LRRC57: variants seen among roughly 807,000 people sequenced by gnomAD.
The protein encoded by LRRC57 is leucine rich repeat containing 57, also known as leucine-rich repeat-containing protein 57.
A neutral mutation model predicts 23.1 loss-of-function variants in LRRC57; 14 were observed. The observed-to-expected ratio is 0.61, with a 90% confidence interval of 0.40 to 0.95. The LOEUF is 0.95. Among genes scored for constraint, LRRC57 ranks in the 40% least tolerant of loss-of-function variants. The probability of loss-of-function intolerance (pLI) is 0.00; values close to 1 mark genes in which losing one functional copy is unlikely to be tolerated. For synonymous variants in LRRC57, 106 were observed against 115.2 expected, an observed-to-expected ratio of 0.92 and a Z score of 0.51; for missense variants, 236 against 284.4, an observed-to-expected ratio of 0.83 and a Z score of 1.22.
At position 42,547,929 on chromosome 15, in the gene LRRC57, T is replaced by C. The variant is rs185758869; in HGVS notation, c.223+177A>G. On this transcript the variant is annotated intron_variant, in intron 3 of 5. Coordinates refer to ENST00000397130, the MANE Select transcript of LRRC57 (RefSeq NM_153260.3). ...CAATCATTATAACACCCAATCATTA[T>C]AAGGCTTATTTTAGATGTAATTACA... The C allele has an allele frequency of 1.0e-3, 655 of 633,134 alleles. 6 individuals carry two copies. The highest frequency in any genetic ancestry group is 4.1e-3 in the Middle Eastern group (10 of 2,424). 39.2% of individuals were successfully genotyped at this position (633,134 alleles called of 1,614,324 possible). A position where few individuals can be genotyped will look rare whatever the true frequency, so the allele number is the denominator to read the frequency against.
At chr15:42,535,902 G>A (rs766032996), downstream of LRRC57, among the ~76,000 whole-genome samples, 1 of 152,110 alleles carries the variant, frequency 6.6e-6, no homozygotes, top group Non-Finnish European at 1.5e-5. Flanking sequence ...AAGAAGATGA[G>A]ACCGTTTCTA....
chr15:42,529,731 G>A, the LRRC57 span: 2 of 1,614,088 alleles, frequency 1.2e-6, no homozygotes, highest in Non-Finnish European at 1.7e-6. Flanking sequence ...CAAGTGGGCA[G>A]TATCCTGGGA....
At chr15:42,548,083 A>G (rs2057671664) in intron 3 of LRRC57, 23 bp downstream of exon 3, 1 of 1,613,084 alleles carries the variant, frequency 6.2e-7, no homozygotes, top group African/African-American at 1.3e-5. Context: ...CACTAGCAAA[A>G]GCCTCCCTGG....
the LRRC57 span, among the ~76,000 whole-genome samples, chr15:42,530,057 C>T: frequency 1.3e-5 from 2 of 152,182 alleles, no homozygotes; most frequent in African/African-American, 2.4e-5. Context: ...TAAACCTTCA[C>T]ACATGAAGCT....
chr15:42,529,526 T>TA, the LRRC57 span: 1 of 734,142 alleles, frequency 1.4e-6, no homozygotes, highest in Non-Finnish European at 2.2e-6. Flanking sequence ...GTTTTTATTA[T>TA]AGAATGTTTC....
At chr15:42,529,600 C>T in the LRRC57 span, 1 of 1,516,980 alleles carries the variant, frequency 6.6e-7, no homozygotes, top group Non-Finnish European at 9.0e-7. Flanking sequence ...TGGTTACTTA[C>T]TTTTGTGAAA....
intron 1 of LRRC57, 38 bp from the exon 2 acceptor site, chr15:42,548,494 C>T: frequency 1.3e-6 from 2 of 1,555,076 alleles, no homozygotes; most frequent in South Asian, 2.3e-5. Flanking sequence ...GCCCAGTCCA[C>T]CCGGTCGGCC....
chr15:42,529,907 C>T, the LRRC57 span: 34 of 1,396,062 alleles, frequency 2.4e-5, no homozygotes, highest in South Asian at 9.4e-5. Flanking sequence ...GTGGGGGACA[C>T]GGTAGAATAA....
the LRRC57 span, among the ~76,000 whole-genome samples, chr15:42,530,034 T>C: frequency 6.6e-6 from 1 of 152,226 alleles, no homozygotes; most frequent in Non-Finnish European, 1.5e-5. Flanking sequence ...TTTTGGAATA[T>C]AGTAGTTTTA....
Position 42,548,365 on chromosome 15 carries a change from G to A in LRRC57, c.70C>T (p.Arg24Ter). 1.2e-6 allele frequency: 2 copies of A among 1,614,212 alleles called. No individual in the cohort carries two copies. Among genetic ancestry groups the A allele is most frequent in the Non-Finnish European group, 1.7e-6 (2 of 1,180,038 alleles). The change falls in exon 2 of 6, where the codon CGA (arginine) becomes TGA (stop). Residue 24 changes from arginine (R) to a stop codon, truncating the protein, a stop_gained. Coordinates refer to ENST00000397130, the MANE Select transcript of LRRC57 (RefSeq NM_153260.3). LOFTEE classifies it high-confidence loss of function. ...CCCAGTCTCACCTCGGTCAGCCCTC[G>A]GTCCTTAAGCTGAAAGACACCAGTT... ...QKTGVFQLKD[R>*]GLTEFPADLQ...
the LRRC57 span, chr15:42,531,913 C>T: frequency 6.5e-6 from 1 of 153,012 alleles, no homozygotes; most frequent in Non-Finnish European, 1.5e-5. Flanking sequence ...CTTCAGGCCA[C>T]AAAGCAAAAA....
rs1295198010 is a variant in LRRC57, at chr15:42,540,803, G to A, written c.*3280C>T. On this transcript the variant is annotated 3_prime_UTR_variant, in exon 6 of 6. Transcript: ENST00000397130. ...AGCCCTTTGGGAGACCAAGGCGGGT[G>A]GATCACCTGAGGTCAGGAGTTCGAG... is the stretch of plus-strand genomic sequence containing the variant. 1.3e-5 allele frequency: 2 copies of A among 152,214 alleles called. No individual in the cohort carries two copies. The highest frequency in any genetic ancestry group is 1.9e-4 in the East Asian group (1 of 5,194). 9.4% of individuals were successfully genotyped at this position (152,214 alleles called of 1,614,324 possible). A position where few individuals can be genotyped will look rare whatever the true frequency, so the allele number is the denominator to read the frequency against.
rs562807521 is a variant in LRRC57, at chr15:42,540,648, T to C, written c.*3435A>G. 1 of 152,122 alleles carries C rather than the reference T, an allele frequency of 6.6e-6. No homozygotes were observed. Among genetic ancestry groups the C allele is most frequent in the Non-Finnish European group, 1.5e-5 (1 of 68,032 alleles). The allele number at this position is 152,122 out of a possible 1,614,324, so 9.4% of individuals were successfully genotyped here. On this transcript the variant is annotated 3_prime_UTR_variant, in exon 6 of 6. Transcript: ENST00000397130. ...AAAGGGCAATAAGTCTAGGCCCAAA[T>C]TGTGAAGGGTGGTAGTTGTGGATTC... is the stretch of plus-strand genomic sequence containing the variant.
chr15:42,547,687 G>C (rs1298002461), intron 3 of LRRC57, 158 bp from the exon 4 acceptor site: 4 of 683,862 alleles, frequency 5.8e-6, no homozygotes, highest in Non-Finnish European at 7.2e-6. Context: ...TACCAACATA[G>C]TCTTTAGAAG....
In LRRC57 at chr15:42,540,389, G is replaced by A. The variant is rs2057622784; in HGVS notation, c.*3694C>T. The A allele has an allele frequency of 6.6e-6, 1 of 152,170 alleles. No homozygotes were observed. The highest frequency in any genetic ancestry group is 1.5e-5 in the Non-Finnish European group (1 of 68,032). The allele number at this position is 152,170 out of a possible 1,614,324, so 9.4% of individuals were successfully genotyped here. ...GTTGAATCTATGCAAATGAAGTTAT[G>A]TGTAGGCATATTAGGTATTATAAGT... On this transcript the variant is annotated 3_prime_UTR_variant, in exon 6 of 6. Transcript: ENST00000397130.
chr15:42,544,150 G>C (rs200094234), intron 5 of LRRC57, 26 bp from the exon 6 acceptor site: 447 of 1,582,674 alleles, frequency 2.8e-4, no homozygotes, highest in Non-Finnish European at 3.7e-4. Flanking sequence ...GAATACATAA[G>C]GGGTATTTTG....
chr15:42,547,529 G>A lies in LRRC57; in HGVS notation c.224C>T (p.Thr75Ile). The A allele has an allele frequency of 6.3e-7, 1 of 1,593,104 alleles. No individual in the cohort carries two copies. The highest frequency in any genetic ancestry group is 8.6e-7 in the Non-Finnish European group (1 of 1,169,196). The change falls in exon 4 of 6, where the codon ACT becomes ATT. Residue 75 changes from threonine to isoleucine, a missense_variant and splice_region_variant. Transcript: ENST00000397130. The stretch of plus-strand genomic sequence containing the variant: ...ATTGCATATCTCATCAGGCAGAACA[G>A]CTGGCAAAGAAAAATTTTTTTAAAA... Reference protein sequence around the residue: ...KSLSLNNNKLTVLPDEICNLK... With the variant: ...KSLSLNNNKLIVLPDEICNLK...
Position 42,548,117 on chromosome 15 carries a change from T to C in LRRC57, c.212A>G (p.Asn71Ser). Residue 71 changes from asparagine to serine, a missense_variant, in exon 3 of 6, where the codon AAC becomes AGC. Coordinates refer to ENST00000397130, the MANE Select transcript of LRRC57 (RefSeq NM_153260.3). ...FTLLKSLSLN[N>S]NKLTVLPDEI... ...GGCGAGAGCCATACTCAGTTTGTTG[T>C]TGTTCAGGGAGAGGCTCTTCAGCAG... 6.2e-7 allele frequency: 1 copy of C among 1,614,228 alleles called. No individual in the cohort carries two copies. Among genetic ancestry groups the C allele is most frequent in the East Asian group, 2.2e-5 (1 of 44,882 alleles).
chr15:42,533,960 C>T (rs148317517), downstream of LRRC57, among the ~76,000 whole-genome samples: 2 of 152,300 alleles, frequency 1.3e-5, no homozygotes, highest in African/African-American at 2.4e-5. Flanking sequence ...CGCAGTGGCT[C>T]ACGCCTGTAA....
Sources: allele counts gnomAD v4.1 joint callset (sites outside exome capture counted in the v4.1 genomes callset), GRCh38; gene constraint gnomAD v4.1.1; transcripts MANE v1.5; gene names NCBI Gene and HGNC (gene_info 2026-07-23, HGNC 2026-07-21).